Variants in RALGPS2 observed in about 807,000 individuals in gnomAD.
RALGPS2 encodes the protein ras-specific guanine nucleotide-releasing factor RalGPS2.
Under a neutral mutation model 86.8 loss-of-function variants are expected in RALGPS2, and 43 were observed. The ratio of observed to expected loss-of-function variants is 0.50; its 90% CI spans 0.39 to 0.64. RALGPS2 has a LOEUF of 0.64. Ranked by LOEUF, RALGPS2 falls within the 30% of genes least tolerant of loss-of-function variation. The probability of loss-of-function intolerance (pLI) is 0.00; values close to 1 mark genes in which losing one functional copy is unlikely to be tolerated. For missense variants in RALGPS2, 536 were observed against 694.6 expected (o/e 0.77, Z 2.57); for synonymous variants, 243 against 231.3 (o/e 1.05, Z -0.46).
chr1:178,868,949 CTGTTA>C (rs1658581124), intron 8 of RALGPS2, among the ~76,000 whole-genome samples: 1 of 151,872 alleles, frequency 6.6e-6, no homozygotes, highest in South Asian at 2.1e-4. Context: ...AATACATTTA[CTGTTA>C]TGTTTTCTGA....
rs1660816698 is a variant in RALGPS2 at position 178,916,372 on chromosome 1, AAAAG to A, written c.*15_*18del. On this transcript the variant is annotated 3_prime_UTR_variant, in exon 20 of 20. Transcript: ENST00000367635. ...GACTTTTGAGTAGAAGCCTGAGAAA[AAAAG>A]AGAGGTGAACTGTTGCTTCTACGTG... is the stretch of plus-strand genomic sequence containing the variant. The A allele has an allele frequency of 3.8e-6, 6 of 1,596,762 alleles. No homozygotes were observed. Among genetic ancestry groups the A allele is most frequent in the African/African-American group, 1.3e-5 (1 of 74,458 alleles).
intron 1 of RALGPS2, among the ~76,000 whole-genome samples, chr1:178,767,764 G>A (rs1652587005): frequency 6.6e-6 from 1 of 152,162 alleles, no homozygotes; most frequent in African/African-American, 2.4e-5. Flanking sequence ...GAAGACGGGA[G>A]GCTGTGCTTC....
chr1:178,885,055 C>A lies in RALGPS2; in HGVS notation c.905-21C>A, dbSNP rs1363307163. On this transcript the variant is annotated intron_variant, in intron 11 of 19. Transcript: ENST00000367635. Reference sequence around the variant, plus strand: ...AAAAATAAAGTAATCATTTGAAAATCTCTTTAAATTTAACCCTTAGGTCCT... The same window carrying A: ...AAAAATAAAGTAATCATTTGAAAATATCTTTAAATTTAACCCTTAGGTCCT... 2.6e-6 allele frequency: 4 copies of A among 1,548,082 alleles called. No homozygotes were observed. In the African/African-American group the frequency reaches 4.2e-5, roughly 16 times the overall value.
intron 8 of RALGPS2, among the ~76,000 whole-genome samples, chr1:178,867,312 A>T (rs1658478442): frequency 6.6e-6 from 1 of 152,124 alleles, no homozygotes; most frequent in South Asian, 2.1e-4. Context: ...AAAGTTAAGT[A>T]CCTTATTATC....
In RALGPS2 at chr1:178,885,025, G is replaced by A. The variant is rs1381881012; in HGVS notation, c.905-51G>A. Reference sequence around the variant, plus strand: ...CCACATTTAATATTTTCTTTCAAGGGACTGAAAAATAAAGTAATCATTTGA... The same window carrying A: ...CCACATTTAATATTTTCTTTCAAGGAACTGAAAAATAAAGTAATCATTTGA... On this transcript the variant is annotated intron_variant, in intron 11 of 19. Transcript: ENST00000367635. 3.4e-6 allele frequency: 5 copies of A among 1,485,254 alleles called. 1 individual carries two copies. In the Admixed American group the frequency reaches 9.8e-5, roughly 29 times the overall value. 92.0% of individuals were successfully genotyped at this position (1,485,254 alleles called of 1,614,324 possible).
chr1:178,845,220 C>G (rs1287639333), intron 8 of RALGPS2, among the ~76,000 whole-genome samples: 1 of 152,030 alleles, frequency 6.6e-6, no homozygotes, highest in Non-Finnish European at 1.5e-5. Context: ...TGTAAAATCT[C>G]TAGCCCTCTG....
intron 1 of RALGPS2, among the ~76,000 whole-genome samples, chr1:178,740,023 G>A (rs1210027972): frequency 6.6e-6 from 1 of 152,214 alleles, no homozygotes; most frequent in Non-Finnish European, 1.5e-5. Context: ...TTCCTCCTCA[G>A]TTGTGGTACT....
intron 7 of RALGPS2, among the ~76,000 whole-genome samples, chr1:178,831,845 C>T (rs765034302): frequency 6.6e-6 from 1 of 152,092 alleles, no homozygotes; most frequent in South Asian, 2.1e-4. Context: ...CAAGTCTCTC[C>T]TACCACAACT....
At chr1:178,780,403 T>TA (rs1653333255) in intron 2 of RALGPS2, among the ~76,000 whole-genome samples, 1 of 152,196 alleles carries the variant, frequency 6.6e-6, no homozygotes. Context: ...GTGTTGCACT[T>TA]ATATTTTCTG....
At chr1:178,798,857 A>T (rs1291597425) in intron 4 of RALGPS2, among the ~76,000 whole-genome samples, 1 of 152,202 alleles carries the variant, frequency 6.6e-6, no homozygotes, top group East Asian at 1.9e-4. Context: ...AAGGTGAAGT[A>T]TCTAAAGCTG....
At chr1:178,769,101 G>C (rs1652656233) in intron 1 of RALGPS2, among the ~76,000 whole-genome samples, 1 of 151,982 alleles carries the variant, frequency 6.6e-6, no homozygotes, top group East Asian at 1.9e-4. Context: ...GGCTGTTCAG[G>C]CTACCAATCC....
chr1:178,785,899 T>A (rs551905958), intron 4 of RALGPS2, among the ~76,000 whole-genome samples: 1 of 152,150 alleles, frequency 6.6e-6, no homozygotes, highest in Admixed American at 6.5e-5. Flanking sequence ...CAAACTTAAC[T>A]TCAAATAGCC....
rs531693285 is a variant in RALGPS2, at chr1:178,732,708, T to C, written c.-84+7289T>C. Among the ~76,000 whole-genome samples, 4 of 152,212 alleles carry C rather than the reference T, an allele frequency of 2.6e-5. No homozygotes were observed. In the South Asian group the frequency reaches 8.3e-4, roughly 32 times the overall value. On this transcript the variant is annotated intron_variant, in intron 1 of 19. Coordinates refer to ENST00000367635, the MANE Select transcript of RALGPS2 (RefSeq NM_152663.5). ...ACTTTTGGTAGATATGATTAAGAAA[T>C]GCTTTGTCATACTAGTTTTCTAAGT...
At chr1:178,760,343 C>G (rs1482675101) in intron 1 of RALGPS2, among the ~76,000 whole-genome samples, 1 of 152,138 alleles carries the variant, frequency 6.6e-6, no homozygotes, top group Non-Finnish European at 1.5e-5. Context: ...TTTAAAGGTA[C>G]TTGTTTTATA....
At chr1:178,849,272 C>T (rs1398721215) in intron 8 of RALGPS2, among the ~76,000 whole-genome samples, 1 of 152,146 alleles carries the variant, frequency 6.6e-6, no homozygotes, top group African/African-American at 2.4e-5. Flanking sequence ...TCATATAATA[C>T]CGCTTCTTAT....
intron 8 of RALGPS2, among the ~76,000 whole-genome samples, chr1:178,857,313 T>C (rs750490671): frequency 6.6e-6 from 1 of 152,216 alleles, no homozygotes; most frequent in African/African-American, 2.4e-5. Context: ...TGATTCCTAG[T>C]AGGCATGGTT....
chr1:178,769,007 G>C (rs1652651557), intron 1 of RALGPS2, among the ~76,000 whole-genome samples: 1 of 152,082 alleles, frequency 6.6e-6, no homozygotes, highest in South Asian at 2.1e-4. Flanking sequence ...CAGATGAGCA[G>C]GTGCTCCAAA....
chr1:178,840,966 T>C (rs1250953857), intron 8 of RALGPS2, among the ~76,000 whole-genome samples: 1 of 152,162 alleles, frequency 6.6e-6, no homozygotes, highest in Non-Finnish European at 1.5e-5. Flanking sequence ...GTTGAATCCC[T>C]GAATAGACCA....
intron 1 of RALGPS2, among the ~76,000 whole-genome samples, chr1:178,736,255 C>G (rs1369379996): frequency 6.7e-6 from 1 of 150,142 alleles, no homozygotes; most frequent in Admixed American, 6.6e-5. Flanking sequence ...CCTCCGCCTC[C>G]TGGGTTCAAG....
Sources: gnomAD v4.1 joint callset for allele counts (sites outside exome capture counted in the v4.1 genomes callset) on GRCh38, gnomAD v4.1.1 for gene constraint, MANE v1.5 for transcripts, NCBI Gene and HGNC (gene_info 2026-07-23, HGNC 2026-07-21) for gene names.